SHISA9: variants seen among roughly 807,000 people sequenced by gnomAD.
The protein encoded by SHISA9 is shisa family member 9.
Under a neutral mutation model 38.0 loss-of-function variants are expected in SHISA9, and 13 were observed. That is an observed-to-expected ratio of 0.34 (90% confidence interval 0.22 to 0.54). The LOEUF is 0.54. Among genes scored for constraint, SHISA9 ranks in the 20% least tolerant of loss-of-function variants. The pLI, the probability that SHISA9 is intolerant of heterozygous loss-of-function variation, is 0.91. For missense variants in SHISA9, 538 were observed against 575.8 expected (o/e 0.93, Z 0.67); for synonymous variants, 275 against 242.0 (o/e 1.14, Z -1.27).
At chr16:13,375,249 G>T in the SHISA9 span, among the ~76,000 whole-genome samples, 412 of 152,238 alleles carry the variant, frequency 2.7e-3, 2 homozygotes, top group African/African-American at 9.4e-3. Flanking sequence ...CCTTTCCCAT[G>T]CCTATGTCCT....
At chr16:13,152,426 A>G (rs975627854) in intron 2 of SHISA9, among the ~76,000 whole-genome samples, 2 of 152,218 alleles carry the variant, frequency 1.3e-5, no homozygotes, top group Non-Finnish European at 2.9e-5. Context: ...AAACAAATAC[A>G]TGATCTATTG....
the SHISA9 span, among the ~76,000 whole-genome samples, chr16:13,478,969 C>G: frequency 6.6e-6 from 1 of 152,146 alleles, no homozygotes; most frequent in Non-Finnish European, 1.5e-5. Flanking sequence ...AACTTTGTGT[C>G]TTAAAACAAC....
chr16:13,465,000 C>T, the SHISA9 span, among the ~76,000 whole-genome samples: 3 of 152,220 alleles, frequency 2.0e-5, no homozygotes, highest in East Asian at 5.8e-4. Context: ...AGACATTATC[C>T]TAAAACATAC....
intron 3 of SHISA9, among the ~76,000 whole-genome samples, chr16:13,204,645 G>A (rs1163153084): frequency 6.6e-5 from 10 of 152,216 alleles, no homozygotes; most frequent in Admixed American, 6.5e-4. Flanking sequence ...AGTATTTACG[G>A]GAGTGGGCAG....
intron 2 of SHISA9, among the ~76,000 whole-genome samples, chr16:13,135,603 C>G (rs2050341855): frequency 6.6e-6 from 1 of 152,216 alleles, no homozygotes; most frequent in African/African-American, 2.4e-5. Context: ...GTTGCCTCAG[C>G]CTTCCTGTCA....
the SHISA9 span, among the ~76,000 whole-genome samples, chr16:13,472,384 T>A: frequency 8.7e-5 from 10 of 114,470 alleles, no homozygotes; most frequent in African/African-American, 3.1e-4. Flanking sequence ...TAAATTTTTT[T>A]TTTTTTTTTT....
At chr16:13,119,648 C>G (rs2074066427) in intron 2 of SHISA9, among the ~76,000 whole-genome samples, 1 of 152,080 alleles carries the variant, frequency 6.6e-6, no homozygotes, top group Admixed American at 6.5e-5. Context: ...TAGTACCTCC[C>G]AAAAGATGTG....
At chr16:12,984,067 G>A (rs749469824) in intron 2 of SHISA9, among the ~76,000 whole-genome samples, 34 of 152,050 alleles carry the variant, frequency 2.2e-4, no homozygotes, top group East Asian at 1.2e-3. Context: ...AGTCCATCTG[G>A]GGCTCTTCAT....
chr16:12,930,030 C>T (rs1181458401), intron 2 of SHISA9, among the ~76,000 whole-genome samples: 2 of 152,100 alleles, frequency 1.3e-5, no homozygotes, highest in East Asian at 1.9e-4. Context: ...TATTAGGTCA[C>T]TGTTTTATTT....
chr16:13,223,255 C>G (rs190432458), intron 4 of SHISA9, among the ~76,000 whole-genome samples: 2 of 151,830 alleles, frequency 1.3e-5, no homozygotes, highest in African/African-American at 2.4e-5. Context: ...AGTGAGACAC[C>G]CTTCTCTACA....
the SHISA9 span, among the ~76,000 whole-genome samples, chr16:13,546,840 A>G: frequency 4.3e-4 from 65 of 152,300 alleles, no homozygotes; most frequent in African/African-American, 1.6e-3. Context: ...TGTTAAGCCT[A>G]AAATATTTGC....
At chr16:13,194,596 C>A (rs1342981015) in intron 2 of SHISA9, among the ~76,000 whole-genome samples, 3 of 152,188 alleles carry the variant, frequency 2.0e-5, no homozygotes, top group African/African-American at 4.8e-5. Flanking sequence ...TGTGTCTTCA[C>A]CTTCCTCATC....
rs1321323622 is a variant in SHISA9, at chr16:13,203,535, C to A, written c.833C>A (p.Ser278Tyr). 4 of 1,535,688 alleles carry A rather than the reference C, an allele frequency of 2.6e-6. No homozygotes were observed. The highest frequency in any genetic ancestry group is 3.5e-6 in the Non-Finnish European group (4 of 1,140,192). The change falls in exon 3 of 5, where the codon TCC (serine) becomes TAC (tyrosine). Residue 278 changes from serine (S) to tyrosine (Y), a missense_variant. Physicochemically the swap from Ser to Tyr is moderately radical, Grantham distance 144. Transcript: ENST00000558583. ...PPGKELNKYA[S>Y]LKAVGSSDGD... ...GGAAAAGAGCTCAACAAGTACGCCT[C>A]CTTAAAGGCAGTCGGTAAGTGCCAC...
intron 2 of SHISA9, among the ~76,000 whole-genome samples, chr16:13,131,900 T>C (rs1377446588): frequency 6.6e-6 from 1 of 152,196 alleles, no homozygotes; most frequent in Non-Finnish European, 1.5e-5. Flanking sequence ...GTGGTGGAAA[T>C]AGACGCTGAT....
At chr16:13,449,275 G>A in the SHISA9 span, among the ~76,000 whole-genome samples, 1 of 152,156 alleles carries the variant, frequency 6.6e-6, no homozygotes, top group Non-Finnish European at 1.5e-5. Context: ...TCAAGGAATA[G>A]ACCAAAATGT....
chr16:13,353,002 C>G, the SHISA9 span, among the ~76,000 whole-genome samples: 6 of 152,170 alleles, frequency 3.9e-5, no homozygotes, highest in Non-Finnish European at 7.3e-5. Flanking sequence ...GAGCCTTGGG[C>G]TCAGAGGCCT....
rs2050211099 is a variant in SHISA9, at chr16:13,121,581, A to G, written c.692-81813A>G. Among the ~76,000 whole-genome samples the G allele has an allele frequency of 2.0e-5, 3 of 152,302 alleles. No individual in the cohort carries two copies. In the South Asian group the frequency reaches 6.2e-4, roughly 32 times the overall value. On this transcript the variant is annotated intron_variant, in intron 2 of 4. Coordinates refer to ENST00000558583, the MANE Select transcript of SHISA9 (RefSeq NM_001145204.3). ...TAACTGAAAATATAAACATTAAAAT[A>G]TTAATTCAAAACTCTAATAAGCAGT...
In SHISA9 at chr16:13,045,464, G is replaced by C. The variant is rs545672733; in HGVS notation, c.691+128649G>C. ...TGTCTTGGCTAAGTAGTACAGATAG[G>C]TTCATGAGTAATGCAAGATTATTCA... On this transcript the variant is annotated intron_variant, in intron 2 of 4. Transcript: ENST00000558583. 2.0e-5 allele frequency among the ~76,000 whole-genome samples: 3 copies of C among 152,230 alleles called. No homozygotes were observed. In the South Asian group the frequency reaches 6.2e-4, roughly 32 times the overall value.
chr16:13,392,380 A>G, the SHISA9 span, among the ~76,000 whole-genome samples: 1 of 152,172 alleles, frequency 6.6e-6, no homozygotes, highest in Non-Finnish European at 1.5e-5. Flanking sequence ...TGTATATTAA[A>G]ACATTATATT....
Sources: gnomAD v4.1 joint callset for allele counts (sites outside exome capture counted in the v4.1 genomes callset) on GRCh38, gnomAD v4.1.1 for gene constraint, MANE v1.5 for transcripts, NCBI Gene and HGNC (gene_info 2026-07-23, HGNC 2026-07-21) for gene names.